The following MPHOSPH8 variants were observed in gnomAD, a reference collection of about 807,000 sequenced individuals.
MPHOSPH8 encodes M-phase phosphoprotein 8, also known as M-phase phosphoprotein, mpp.
A neutral mutation model predicts 87.3 loss-of-function variants in MPHOSPH8; 45 were observed. The ratio of observed to expected loss-of-function variants is 0.52; its 90% CI spans 0.41 to 0.66. The LOEUF is 0.66. MPHOSPH8 is among the 30% of genes least tolerant of loss of function. The pLI, the probability that MPHOSPH8 is intolerant of heterozygous loss-of-function variation, is 0.00. For missense variants in MPHOSPH8, 883 were observed against 1,020.2 expected (o/e 0.87, Z 1.83); for synonymous variants, 366 against 376.9 (o/e 0.97, Z 0.33).
At chr13:19,636,221 ACCTAG>A in intron 1 of MPHOSPH8, among the ~76,000 whole-genome samples, 1 of 152,316 alleles carries the variant, frequency 6.6e-6, no homozygotes. Flanking sequence ...TTGGTTAGCC[ACCTAG>A]CCATTGACAA....
At chr13:19,641,788 G>T (rs1487321412) in intron 1 of MPHOSPH8, among the ~76,000 whole-genome samples, 1 of 151,694 alleles carries the variant, frequency 6.6e-6, no homozygotes, top group South Asian at 2.1e-4. Context: ...GAGCCACTGC[G>T]CCTGGCCCAT....
intron 1 of MPHOSPH8, among the ~76,000 whole-genome samples, chr13:19,637,710 A>G (rs962720757): frequency 6.6e-6 from 1 of 152,076 alleles, no homozygotes; most frequent in African/African-American, 2.4e-5. Context: ...CTTTTCCCCC[A>G]TTCATGCAAG....
intron 4 of MPHOSPH8, among the ~76,000 whole-genome samples, chr13:19,648,911 C>G (rs2137514538): frequency 6.6e-6 from 1 of 152,078 alleles, no homozygotes; most frequent in African/African-American, 2.4e-5. Flanking sequence ...AAAAAAACAC[C>G]ATTACAGTGT....
intron 2 of MPHOSPH8, among the ~76,000 whole-genome samples, chr13:19,644,260 A>C (rs537338408): frequency 7.2e-5 from 11 of 152,340 alleles, no homozygotes; most frequent in Admixed American, 2.0e-4. Flanking sequence ...ACTAGAAATT[A>C]ACTAGGACCT....
intron 10 of MPHOSPH8, among the ~76,000 whole-genome samples, chr13:19,666,892 T>C (rs1430760873): frequency 6.6e-6 from 1 of 152,208 alleles, no homozygotes; most frequent in Non-Finnish European, 1.5e-5. Context: ...CCGGGCGCAG[T>C]GGCTCACGCT....
chr13:19,650,197 T>C lies in MPHOSPH8; in HGVS notation c.1513T>C (p.Tyr505His). ...CAGAGACGAAACGGATACTTGGGCA[T>C]ACATTGCTGCAGAAGGTGATCAGGA... ...NTRDETDTWA[Y>H]IAAEGDQEVL... The change falls in exon 5 of 14, where the codon TAC becomes CAC. Residue 505 changes from tyrosine (Y) to histidine (H), a missense_variant. This residue lies in a region of MPHOSPH8 where 741 missense variants were observed against 841.5 expected (regional missense o/e 0.88). Coordinates refer to ENST00000361479, the MANE Select transcript of MPHOSPH8 (RefSeq NM_017520.4). 1 of 1,614,196 alleles carries C rather than the reference T, an allele frequency of 6.2e-7. No individual in the cohort carries two copies. Among genetic ancestry groups the C allele is most frequent in the Non-Finnish European group, 8.5e-7 (1 of 1,180,032 alleles).
chr13:19,638,410 C>T lies in MPHOSPH8; in HGVS notation c.214-3705C>T, dbSNP rs1012530918. 8.6e-5 allele frequency among the ~76,000 whole-genome samples: 13 copies of T among 151,776 alleles called. No individual in the cohort carries two copies. The South Asian group carries it at 1.7e-3, about 19-fold the overall frequency. ...CAGACGGATCACGAGGTCAGGAGATCGAGACTATCCTGGCCAACATGGTGA... is the reference window on the plus strand; with the variant it reads ...CAGACGGATCACGAGGTCAGGAGATTGAGACTATCCTGGCCAACATGGTGA... On this transcript the variant is annotated intron_variant, in intron 1 of 13. Transcript: ENST00000361479.
In MPHOSPH8 at chr13:19,655,472, ACACCACCACCAC is replaced by A. The variant is rs368185684; in HGVS notation, c.1577-3508_1577-3497del. On this transcript the variant is annotated intron_variant, in intron 5 of 13. Coordinates refer to ENST00000361479, the MANE Select transcript of MPHOSPH8 (RefSeq NM_017520.4). ...AACAGAGTGAGACTCTGTCTCAAAA[ACACCACCACCAC>A]CACCACCACCACCAAAAAACCCTTT... Among the ~76,000 whole-genome samples the A allele has an allele frequency of 6.1e-3, 934 of 151,948 alleles. 11 individuals carry two copies. Among genetic ancestry groups the A allele is most frequent in the African/African-American group, 0.021 (861 of 41,422 alleles).
At chr13:19,658,319 G>A (rs1593483399) in intron 5 of MPHOSPH8, among the ~76,000 whole-genome samples, 1 of 152,184 alleles carries the variant, frequency 6.6e-6, no homozygotes, top group African/African-American at 2.4e-5. Flanking sequence ...TTTTTCACTT[G>A]TAAAAAAAGC....
intron 1 of MPHOSPH8, 96 bp downstream of exon 1, chr13:19,634,057 G>A (rs1873860702): frequency 7.9e-7 from 1 of 1,264,850 alleles, no homozygotes; most frequent in Non-Finnish European, 1.1e-6. Context: ...CCCAAAACAG[G>A]AGCGGGGGAG....
At chr13:19,669,156 A>G (rs1336522648) in intron 11 of MPHOSPH8, among the ~76,000 whole-genome samples, 6 of 152,160 alleles carry the variant, frequency 3.9e-5, no homozygotes, top group Non-Finnish European at 8.8e-5. Context: ...GCCGTTTGTA[A>G]TATCTTAGTG....
In MPHOSPH8 at chr13:19,633,670, GGGCC is replaced by G. The variant is rs1028261674; in HGVS notation, c.-77_-74del. ...TCCGTTACGCCGCTGATGTGGAGTA[GGGCC>G]GAGCGCGGAACGCGAGGGGCTGCTG... On this transcript the variant is annotated 5_prime_UTR_variant, in exon 1 of 14. It introduces an in-frame stop codon into an upstream open reading frame of the 5' UTR. Coordinates refer to ENST00000361479, the MANE Select transcript of MPHOSPH8 (RefSeq NM_017520.4). The G allele has an allele frequency of 6.8e-7, 1 of 1,480,910 alleles. No individual in the cohort carries two copies. The highest frequency in any genetic ancestry group is 9.2e-7 in the Non-Finnish European group (1 of 1,085,056). 91.7% of individuals were successfully genotyped at this position (1,480,910 alleles called of 1,614,324 possible). A position where few individuals can be genotyped will look rare whatever the true frequency, so the allele number is the denominator to read the frequency against.
chr13:19,649,466 C>G (rs1481992642), intron 4 of MPHOSPH8, among the ~76,000 whole-genome samples: 1 of 152,092 alleles, frequency 6.6e-6, no homozygotes, highest in East Asian at 1.9e-4. Flanking sequence ...TAATTCTCTT[C>G]TTTTTGGGGT....
intron 9 of MPHOSPH8, among the ~76,000 whole-genome samples, chr13:19,664,635 G>A (rs745507555): frequency 2.0e-5 from 3 of 152,164 alleles, no homozygotes; most frequent in Non-Finnish European, 2.9e-5. Context: ...TCTGTACCTC[G>A]GGAGTGGCAG....
intron 1 of MPHOSPH8, among the ~76,000 whole-genome samples, chr13:19,638,446 C>G (rs1161428534): frequency 1.3e-5 from 2 of 151,686 alleles, no homozygotes; most frequent in East Asian, 2.0e-4. Context: ...AACCCCGTCT[C>G]TACTAAAATA....
chr13:19,669,242 C>T (rs1875986788), intron 11 of MPHOSPH8, among the ~76,000 whole-genome samples: 1 of 152,172 alleles, frequency 6.6e-6, no homozygotes, highest in Non-Finnish European at 1.5e-5. Flanking sequence ...CAGTGCATGG[C>T]ATGATCTTGG....
At position 19,672,661 on chromosome 13, in the gene MPHOSPH8, A is replaced by G. The variant is rs1876201165; in HGVS notation, c.*786A>G. ...TTTTTCTAGTAGACAGTTGCCACAC[A>G]TTCCCCAAGCACAAAAGGTGGAGAT... On this transcript the variant is annotated 3_prime_UTR_variant, in exon 14 of 14. Transcript: ENST00000361479. 1 of 156,576 alleles carries G rather than the reference A, an allele frequency of 6.4e-6. No individual in the cohort carries two copies. The highest frequency in any genetic ancestry group is 1.4e-5 in the Non-Finnish European group (1 of 70,698). The allele number at this position is 156,576 out of a possible 1,614,324, so 9.7% of individuals were successfully genotyped here. A position where few individuals can be genotyped will look rare whatever the true frequency, so the allele number is the denominator to read the frequency against.
chr13:19,653,279 C>T (rs1304936192), intron 5 of MPHOSPH8, among the ~76,000 whole-genome samples: 1 of 152,182 alleles, frequency 6.6e-6, no homozygotes, highest in Non-Finnish European at 1.5e-5. Context: ...CTGGTGATAC[C>T]CAGGCAAACA....
rs747296725 is a variant in MPHOSPH8, at chr13:19,647,116, A to G, written c.1043A>G (p.Glu348Gly). Residue 348 changes from glutamate (E) to glycine (G), a missense_variant, in exon 3 of 14, where the codon GAG (glutamate) becomes GGG (glycine). By Grantham distance (98) the Glu-to-Gly change is moderately conservative. Transcript: ENST00000361479. ...GACACTAGAGAGAACAGGAAGCTAG[A>G]GAACAAGAACGCTTTCTTAGAGAAG... ...AEDTRENRKL[E>G]NKNAFLEKKT... The G allele has an allele frequency of 8.7e-6, 14 of 1,613,676 alleles. No individual in the cohort carries two copies. The African/African-American group carries it at 1.7e-4, about 20-fold the overall frequency.
Sources: gnomAD v4.1 joint callset for allele counts (sites outside exome capture counted in the v4.1 genomes callset) on GRCh38, gnomAD v4.1.1 for gene constraint, gnomAD v4.1.1 regional missense constraint, MANE v1.5 for transcripts, NCBI Gene and HGNC (gene_info 2026-07-23, HGNC 2026-07-21) for gene names.